FBXO4: variants seen among roughly 807,000 people sequenced by gnomAD.
FBXO4 encodes the protein F-box only protein 4.
A neutral mutation model predicts 43.7 loss-of-function variants in FBXO4; 36 were observed. The ratio of observed to expected loss-of-function variants is 0.82; its 90% CI spans 0.63 to 1.09. The LOEUF is 1.09. FBXO4 is among the 50% of genes least tolerant of loss of function. The pLI is 0.00. For missense variants in FBXO4, 435 were observed against 474.1 expected (o/e 0.92, Z 0.77); for synonymous variants, 180 against 165.6 (o/e 1.09, Z -0.67).
chr5:41,947,576 G>C, the FBXO4 span, among the ~76,000 whole-genome samples: 3 of 152,218 alleles, frequency 2.0e-5, no homozygotes, highest in African/African-American at 7.2e-5. Flanking sequence ...GTCCAGAAGG[G>C]AAAGACTGGG....
chr5:41,942,608 T>C (rs1752022423), downstream of FBXO4, among the ~76,000 whole-genome samples: 1 of 152,140 alleles, frequency 6.6e-6, no homozygotes, highest in Non-Finnish European at 1.5e-5. Context: ...AAGATACATT[T>C]ATTTTTCTAG....
At chr5:42,015,789 G>A in the FBXO4 span, among the ~76,000 whole-genome samples, 3 of 151,934 alleles carry the variant, frequency 2.0e-5, no homozygotes, top group Non-Finnish European at 4.4e-5. Flanking sequence ...AGAATAGAGA[G>A]TCTGATCTCA....
At chr5:41,945,856 A>G (rs1310322148), downstream of FBXO4, among the ~76,000 whole-genome samples, 3 of 152,176 alleles carry the variant, frequency 2.0e-5, no homozygotes, top group East Asian at 1.9e-4. Flanking sequence ...TTTTGCTGCA[A>G]CTGTTACTGC....
chr5:42,005,695 A>G, the FBXO4 span, among the ~76,000 whole-genome samples: 2 of 152,104 alleles, frequency 1.3e-5, no homozygotes, highest in African/African-American at 4.8e-5. Flanking sequence ...TTCCAGCTGT[A>G]CAGAAGTTGA....
the FBXO4 span, among the ~76,000 whole-genome samples, chr5:42,027,429 C>A: frequency 4.0e-5 from 6 of 151,722 alleles, no homozygotes; most frequent in African/African-American, 1.4e-4. Flanking sequence ...TTTAGATCTT[C>A]TCTTTTTTCT....
At chr5:41,986,423 T>C in the FBXO4 span, among the ~76,000 whole-genome samples, 1 of 152,104 alleles carries the variant, frequency 6.6e-6, no homozygotes, top group Non-Finnish European at 1.5e-5. Context: ...GGAGAAAAGA[T>C]ATAAAAACAA....
chr5:42,017,582 G>A, the FBXO4 span, among the ~76,000 whole-genome samples: 16 of 143,800 alleles, frequency 1.1e-4, no homozygotes, highest in Admixed American at 1.1e-3. Context: ...TTCAACCCTT[G>A]TCCCCCTCTT....
downstream of FBXO4, among the ~76,000 whole-genome samples, chr5:41,945,493 G>A (rs1172817724): frequency 6.6e-6 from 1 of 151,138 alleles, no homozygotes; most frequent in African/African-American, 2.5e-5. Flanking sequence ...ATTGCATGCA[G>A]GGTTGGGTAA....
At chr5:41,932,607 C>A (rs1348708006) in intron 3 of FBXO4, among the ~76,000 whole-genome samples, 1 of 152,172 alleles carries the variant, frequency 6.6e-6, no homozygotes, top group Non-Finnish European at 1.5e-5. Context: ...ATCTGAAGGG[C>A]AATGGCTTTG....
the FBXO4 span, among the ~76,000 whole-genome samples, chr5:42,039,589 T>C: frequency 6.6e-6 from 1 of 152,088 alleles, no homozygotes; most frequent in African/African-American, 2.4e-5. Flanking sequence ...GTGACAGATG[T>C]ACTCTGGGCT....
the FBXO4 span, among the ~76,000 whole-genome samples, chr5:41,978,434 A>C: frequency 3.3e-5 from 5 of 152,370 alleles, no homozygotes; most frequent in Middle Eastern, 3.4e-3. Context: ...TGTGAAATGA[A>C]GAAAATATAG....
downstream of FBXO4, among the ~76,000 whole-genome samples, chr5:41,945,462 C>T (rs1004742278): frequency 3.3e-5 from 5 of 152,110 alleles, no homozygotes; most frequent in Non-Finnish European, 7.3e-5. Context: ...ATGAAATGCT[C>T]CTGATTATTG....
At chr5:42,009,970 C>A in the FBXO4 span, among the ~76,000 whole-genome samples, 21 of 152,236 alleles carry the variant, frequency 1.4e-4, no homozygotes, top group African/African-American at 5.1e-4. Context: ...TGTTGTACTT[C>A]ATGTCTCTAT....
At chr5:41,997,950 G>A in the FBXO4 span, among the ~76,000 whole-genome samples, 3 of 152,168 alleles carry the variant, frequency 2.0e-5, no homozygotes, top group Admixed American at 1.3e-4. Flanking sequence ...GAGGGGCCAT[G>A]ATTCTTTGTT....
At chr5:41,950,555 A>T in the FBXO4 span, among the ~76,000 whole-genome samples, 2 of 152,236 alleles carry the variant, frequency 1.3e-5, no homozygotes, top group African/African-American at 4.8e-5. Flanking sequence ...TTACAGAGTC[A>T]GGAAACAACA....
At chr5:41,932,764 G>A (rs1196593825) in intron 3 of FBXO4, among the ~76,000 whole-genome samples, 1 of 152,204 alleles carries the variant, frequency 6.6e-6, no homozygotes, top group East Asian at 1.9e-4. Flanking sequence ...GAACTAAAGT[G>A]TGGTCATGGG....
chr5:42,007,128 C>G, the FBXO4 span, among the ~76,000 whole-genome samples: 1 of 151,198 alleles, frequency 6.6e-6, no homozygotes, highest in Non-Finnish European at 1.5e-5. Flanking sequence ...ACTTGCAGAT[C>G]TTTACAGAAG....
the FBXO4 span, among the ~76,000 whole-genome samples, chr5:41,999,857 A>G: frequency 6.6e-6 from 1 of 151,842 alleles, no homozygotes. Context: ...CACTGACTCA[A>G]ATGTTAATCT....
the FBXO4 span, among the ~76,000 whole-genome samples, chr5:41,970,910 G>A: frequency 9.9e-5 from 15 of 151,956 alleles, no homozygotes; most frequent in Non-Finnish European, 1.0e-4. Flanking sequence ...ATATTCTACA[G>A]AATGTAATTG....
Sources: allele counts gnomAD v4.1 joint callset (sites outside exome capture counted in the v4.1 genomes callset), GRCh38; gene constraint gnomAD v4.1.1; transcripts MANE v1.5; gene names NCBI Gene and HGNC (gene_info 2026-07-23, HGNC 2026-07-21).